Variants in CTNND2 observed in about 807,000 individuals in gnomAD.
CTNND2 encodes catenin delta-2.
A neutral mutation model predicts 144.4 loss-of-function variants in CTNND2; 22 were observed. The ratio of observed to expected loss-of-function variants is 0.15; its 90% CI spans 0.11 to 0.22. The LOEUF is 0.22. Among genes scored for constraint, CTNND2 ranks in the 10% least tolerant of loss-of-function variants. The probability of loss-of-function intolerance (pLI) is 1.00; values close to 1 mark genes in which losing one functional copy is unlikely to be tolerated. For missense variants in CTNND2, 1,353 were observed against 1,618.8 expected (o/e 0.84, Z 2.82); for synonymous variants, 751 against 695.6 (o/e 1.08, Z -1.25).
At chr5:11,735,496 T>G (rs1002246886) in intron 1 of CTNND2, among the ~76,000 whole-genome samples, 1 of 152,136 alleles carries the variant, frequency 6.6e-6, no homozygotes, top group African/African-American at 2.4e-5. Context: ...TCTCTCCATG[T>G]CCATGGGTTC....
Position 11,887,093 on chromosome 5 carries a change from T to C in CTNND2, c.37+16724A>G, listed in dbSNP as rs1453816939. On this transcript the variant is annotated intron_variant, in intron 1 of 21. Transcript: ENST00000304623. ...CTGCCTCCCGGGTTCACTCCATTCT[T>C]CTGCCTCAGCCTCCCCGGCAGCTGG... Among the ~76,000 whole-genome samples the C allele has an allele frequency of 4.6e-5, 7 of 151,260 alleles. No homozygotes were observed. The East Asian group carries it at 9.9e-4, about 21-fold the overall frequency.
rs1738239042 is a variant in CTNND2, at chr5:10,988,120, C to T, written c.3334G>A (p.Ala1112Thr). 6 of 1,614,154 alleles carry T rather than the reference C, an allele frequency of 3.7e-6. No homozygotes were observed. Among genetic ancestry groups the T allele is most frequent in the Non-Finnish European group, 5.1e-6 (6 of 1,180,028 alleles). ...CGCGAGGGGCGCTCACCTGTCATGG[C>T]ATCTTTCCTGGAAGTGTGTTCGCCT... ...AKGEHTSRKD[A>T]MTAQNTGIST... The change falls in exon 20 of 22, where the codon GCC becomes ACC. Residue 1112 changes from alanine (A) to threonine (T), a missense_variant. Ala to Thr is a moderately conservative substitution (Grantham distance 58). Transcript: ENST00000304623. The surrounding 1 kb of genome is among the most constrained non-coding windows in gnomAD (Gnocchi z 5.9).
chr5:11,741,463 C>T (rs1205036130), intron 1 of CTNND2, among the ~76,000 whole-genome samples: 1 of 152,084 alleles, frequency 6.6e-6, no homozygotes, highest in East Asian at 1.9e-4. Context: ...CAAACTATCA[C>T]AAGAACAGAA....
chr5:11,081,940 G>A (rs1749620601), intron 16 of CTNND2, among the ~76,000 whole-genome samples: 1 of 152,126 alleles, frequency 6.6e-6, no homozygotes, highest in African/African-American at 2.4e-5. Context: ...TATACTAAAT[G>A]CCACTAAAAT....
chr5:11,306,715 G>A (rs1231272043), intron 9 of CTNND2, among the ~76,000 whole-genome samples: 3 of 152,220 alleles, frequency 2.0e-5, no homozygotes, highest in African/African-American at 7.2e-5. Context: ...GCATAGGAAT[G>A]TCTGATGCTT....
intron 2 of CTNND2, among the ~76,000 whole-genome samples, chr5:11,657,505 T>C (rs1294160718): frequency 6.6e-6 from 1 of 152,080 alleles, no homozygotes; most frequent in African/African-American, 2.4e-5. Flanking sequence ...CATTCTTTTC[T>C]TCCTTTCTTA....
intron 2 of CTNND2, among the ~76,000 whole-genome samples, chr5:11,666,497 GT>G (rs1437359961): frequency 6.6e-6 from 1 of 152,184 alleles, no homozygotes; most frequent in African/African-American, 2.4e-5. Context: ...ATTACAAAAT[GT>G]AAAACAAAGT....
At chr5:11,495,192 ACT>A (rs1769812889) in intron 3 of CTNND2, among the ~76,000 whole-genome samples, 1 of 152,070 alleles carries the variant, frequency 6.6e-6, no homozygotes, top group Non-Finnish European at 1.5e-5. Flanking sequence ...TATTTAACTG[ACT>A]CTGACTTGAA....
At chr5:11,603,440 G>A (rs1039035527) in intron 2 of CTNND2, among the ~76,000 whole-genome samples, 25 of 152,084 alleles carry the variant, frequency 1.6e-4, no homozygotes, top group African/African-American at 6.0e-4. Context: ...AGGACCTCAC[G>A]TGCTGCACCA....
chr5:11,529,928 G>C (rs1324471606), intron 3 of CTNND2, among the ~76,000 whole-genome samples: 4 of 151,578 alleles, frequency 2.6e-5, no homozygotes, highest in Non-Finnish European at 5.9e-5. Flanking sequence ...ATATTATTTA[G>C]AAAAAGTAAT....
At chr5:11,751,047 G>A (rs1256214481) in intron 1 of CTNND2, among the ~76,000 whole-genome samples, 1 of 151,604 alleles carries the variant, frequency 6.6e-6, no homozygotes, top group East Asian at 1.9e-4. Flanking sequence ...TTTTATATCA[G>A]GAAATTAAAG....
intron 10 of CTNND2, among the ~76,000 whole-genome samples, chr5:11,202,403 A>G (rs538293644): frequency 6.6e-6 from 1 of 152,316 alleles, no homozygotes; most frequent in African/African-American, 2.4e-5. Context: ...GAGATTTTCA[A>G]TTTGATTTTA....
At chr5:11,168,628 CTT>C (rs889529486) in intron 11 of CTNND2, among the ~76,000 whole-genome samples, 1 of 152,154 alleles carries the variant, frequency 6.6e-6, no homozygotes, top group African/African-American at 2.4e-5. Flanking sequence ...GGTCCTGGAA[CTT>C]TTTTCCTAAA....
chr5:11,148,636 G>A lies in CTNND2; in HGVS notation c.2159+10940C>T, dbSNP rs561510237. The stretch of plus-strand genomic sequence containing the variant: ...TTCTCCAGCAGCGTCCCTGCCTCAT[G>A]GTGCTTTGGTGCTGTCTTTCTGGGC... On this transcript the variant is annotated intron_variant, in intron 12 of 21. Coordinates refer to ENST00000304623, the MANE Select transcript of CTNND2 (RefSeq NM_001332.4). Among the ~76,000 whole-genome samples the A allele has an allele frequency of 2.6e-5, 4 of 152,338 alleles. No individual in the cohort carries two copies. The South Asian group carries it at 6.2e-4, about 24-fold the overall frequency.
chr5:11,045,902 C>T (rs994463797), intron 16 of CTNND2, among the ~76,000 whole-genome samples: 4 of 152,274 alleles, frequency 2.6e-5, no homozygotes, highest in African/African-American at 9.6e-5. Flanking sequence ...GTCCTCTCTT[C>T]CTGTCTTCCA....
intron 16 of CTNND2, among the ~76,000 whole-genome samples, chr5:11,035,251 T>C (rs1017481915): frequency 1.3e-5 from 2 of 152,136 alleles, no homozygotes; most frequent in Non-Finnish European, 2.9e-5. Flanking sequence ...AATTAGGGTG[T>C]GGGTAGATTA....
At chr5:11,676,879 G>C (rs1784201478) in intron 2 of CTNND2, among the ~76,000 whole-genome samples, 1 of 152,034 alleles carries the variant, frequency 6.6e-6, no homozygotes, top group African/African-American at 2.4e-5. Flanking sequence ...TTTCCCTTTT[G>C]TGTAAATTAA....
Position 11,745,887 on chromosome 5 carries a change from T to C in CTNND2, c.38-13615A>G, listed in dbSNP as rs185178438. On this transcript the variant is annotated intron_variant, in intron 1 of 21. Coordinates refer to ENST00000304623, the MANE Select transcript of CTNND2 (RefSeq NM_001332.4). Reference sequence around the variant, plus strand: ...TTTTAACTCATGGCCCAATTACACATAATCATGTATTTTAACAGAAACAAG... The same window carrying C: ...TTTTAACTCATGGCCCAATTACACACAATCATGTATTTTAACAGAAACAAG... 1.8e-4 allele frequency among the ~76,000 whole-genome samples: 28 copies of C among 152,292 alleles called. No individual in the cohort carries two copies. The East Asian group carries it at 5.2e-3, about 28-fold the overall frequency.
chr5:11,650,809 A>G (rs1782608161), intron 2 of CTNND2, among the ~76,000 whole-genome samples: 3 of 152,190 alleles, frequency 2.0e-5, no homozygotes, highest in Admixed American at 6.5e-5. Context: ...TAAGCAGCAA[A>G]GTGTCCAAGG....
Sources: allele counts gnomAD v4.1 joint callset (sites outside exome capture counted in the v4.1 genomes callset), GRCh38; gene constraint gnomAD v4.1.1; non-coding constraint Gnocchi (gnomAD v3.1); transcripts MANE v1.5; gene names NCBI Gene and HGNC (gene_info 2026-07-23, HGNC 2026-07-21).